Variants in MALRD1 observed in about 807,000 individuals in gnomAD.
The protein encoded by MALRD1 is MAM and LDL receptor class A domain containing 1.
A neutral mutation model predicts 242.1 loss-of-function variants in MALRD1; 247 were observed. The observed-to-expected ratio is 1.02, with a 90% CI of 0.92 to 1.13. The LOEUF (loss-of-function observed/expected upper bound fraction) is 1.13, where lower values mean the gene tolerates loss of function less well. MALRD1 is among the 50% of genes most tolerant of loss of function. MALRD1 has a pLI of 0.00. For missense variants in MALRD1, 2,989 were observed against 2,533.1 expected (o/e 1.18, Z -3.86); for synonymous variants, 995 against 866.6 (o/e 1.15, Z -2.60).
chr10:19,405,970 C>A (rs551689434), intron 28 of MALRD1, among the ~76,000 whole-genome samples: 16 of 152,090 alleles, frequency 1.1e-4, no homozygotes, highest in African/African-American at 3.9e-4. Context: ...CTAGATGTGA[C>A]AAAAGATCAC....
chr10:19,582,588 GT>G, intron 33 of MALRD1, among the ~76,000 whole-genome samples: 1 of 138,714 alleles, frequency 7.2e-6, no homozygotes, highest in African/African-American at 2.6e-5. Context: ...CTATATCTCT[GT>G]TTTGGTACCA....
intron 5 of MALRD1, among the ~76,000 whole-genome samples, chr10:19,119,831 C>A (rs1010381543): frequency 6.6e-6 from 1 of 152,102 alleles, no homozygotes; most frequent in Non-Finnish European, 1.5e-5. Context: ...AAACTAAGTT[C>A]CTCCCAAAGT....
intron 8 of MALRD1, among the ~76,000 whole-genome samples, chr10:19,130,010 G>A (rs577620455): frequency 3.9e-4 from 59 of 151,578 alleles, no homozygotes; most frequent in Non-Finnish European, 6.2e-4. Flanking sequence ...ATATACATAT[G>A]TATATAAATT....
At chr10:19,390,257 G>A (rs1447775074) in intron 28 of MALRD1, among the ~76,000 whole-genome samples, 1 of 152,136 alleles carries the variant, frequency 6.6e-6, no homozygotes, top group Admixed American at 6.6e-5. Context: ...AAAGAAGACC[G>A]GCTATCCATT....
chr10:19,327,706 G>C, intron 23 of MALRD1, 33 bp downstream of exon 23: 1 of 1,474,112 alleles, frequency 6.8e-7, no homozygotes, highest in South Asian at 1.2e-5. Flanking sequence ...GGGTGAGTGA[G>C]TTCTGCTGAT....
intron 31 of MALRD1, among the ~76,000 whole-genome samples, chr10:19,505,460 G>A (rs1043783301): frequency 6.6e-6 from 1 of 152,182 alleles, no homozygotes; most frequent in African/African-American, 2.4e-5. Flanking sequence ...TAAGGACACA[G>A]AGAGAAGACA....
chr10:19,172,718 C>T (rs1259054181), intron 13 of MALRD1, among the ~76,000 whole-genome samples: 1 of 151,210 alleles, frequency 6.6e-6, no homozygotes, highest in Non-Finnish European at 1.5e-5. Flanking sequence ...ATATGATGGT[C>T]AACAAATGCT....
At chr10:19,457,789 C>T (rs1835735685) in intron 29 of MALRD1, among the ~76,000 whole-genome samples, 1 of 150,736 alleles carries the variant, frequency 6.6e-6, no homozygotes, top group Non-Finnish European at 1.5e-5. Flanking sequence ...TGATATCAGA[C>T]ATATCATTAG....
At chr10:19,629,162 A>C (rs1353006248) in intron 36 of MALRD1, among the ~76,000 whole-genome samples, 2 of 152,148 alleles carry the variant, frequency 1.3e-5, no homozygotes, top group East Asian at 3.9e-4. Context: ...TTGTACACTT[A>C]GCTATTAAAT....
chr10:19,560,815 TG>T (rs201999684), intron 32 of MALRD1, among the ~76,000 whole-genome samples: 2,239 of 151,314 alleles, frequency 0.015, 24 homozygotes, highest in East Asian at 0.044. Context: ...CCTGTTGGGG[TG>T]GGGGATAGGG....
chr10:19,577,541 TAGG>T (rs915564806), intron 33 of MALRD1, among the ~76,000 whole-genome samples: 8 of 152,238 alleles, frequency 5.3e-5, no homozygotes, highest in Non-Finnish European at 1.2e-4. Flanking sequence ...TTTGTTGAAT[TAGG>T]AGGAGGAACT....
chr10:19,082,698 C>T (rs910417689), intron 2 of MALRD1, among the ~76,000 whole-genome samples: 7 of 151,634 alleles, frequency 4.6e-5, no homozygotes, highest in Non-Finnish European at 1.0e-4. Context: ...ACTCTTGGAC[C>T]TCTGGAAATC....
intron 32 of MALRD1, among the ~76,000 whole-genome samples, chr10:19,535,767 C>T (rs1217163431): frequency 6.6e-6 from 1 of 151,992 alleles, no homozygotes; most frequent in Non-Finnish European, 1.5e-5. Flanking sequence ...AAAGGGTCCT[C>T]ATATTTGGAA....
chr10:19,492,087 A>T (rs1014277211), intron 30 of MALRD1, among the ~76,000 whole-genome samples: 1 of 151,642 alleles, frequency 6.6e-6, no homozygotes, highest in African/African-American at 2.4e-5. Context: ...AATTAATTTT[A>T]TCAATTACAT....
chr10:19,646,531 GGAGGCGGAGGTTGCAGT>G (rs1217418024), intron 36 of MALRD1, among the ~76,000 whole-genome samples: 1 of 152,134 alleles, frequency 6.6e-6, no homozygotes, highest in Non-Finnish European at 1.5e-5. Context: ...CCTGAACCTG[GGAGGCGGAGGTTGCAGT>G]GAGCTGAAAT....
intron 36 of MALRD1, among the ~76,000 whole-genome samples, chr10:19,620,508 A>C (rs568109540): frequency 6.6e-6 from 1 of 152,208 alleles, no homozygotes; most frequent in South Asian, 2.1e-4. Context: ...GAGTGATGTC[A>C]GTTTCATTTA....
At chr10:19,424,323 C>T (rs1194207879) in intron 28 of MALRD1, among the ~76,000 whole-genome samples, 1 of 152,016 alleles carries the variant, frequency 6.6e-6, no homozygotes, top group Non-Finnish European at 1.5e-5. Flanking sequence ...CCACGCTTAG[C>T]TCATTTTTGT....
intron 1 of MALRD1, among the ~76,000 whole-genome samples, chr10:19,055,671 C>T (rs113550431): frequency 6.6e-6 from 1 of 152,204 alleles, no homozygotes; most frequent in African/African-American, 2.4e-5. Context: ...CCTCCTTTCT[C>T]CCTTGTGTGT....
chr10:19,416,629 T>G (rs1410687622), intron 28 of MALRD1, among the ~76,000 whole-genome samples: 1 of 152,182 alleles, frequency 6.6e-6, no homozygotes, highest in Non-Finnish European at 1.5e-5. Context: ...TCTCATACAG[T>G]ACCTCTCTAT....
Sources: allele counts gnomAD v4.1 joint callset (sites outside exome capture counted in the v4.1 genomes callset), GRCh38; gene constraint gnomAD v4.1.1; transcripts MANE v1.5; gene names NCBI Gene and HGNC (gene_info 2026-07-23, HGNC 2026-07-21).